The following HDAC9 variants were observed in gnomAD, a reference collection of about 807,000 sequenced individuals.
The protein encoded by HDAC9 is histone deacetylase 9.
A neutral mutation model predicts 139.4 loss-of-function variants in HDAC9; 41 were observed. The ratio of observed to expected loss-of-function variants is 0.29; its 90% CI spans 0.23 to 0.38. The LOEUF (loss-of-function observed/expected upper bound fraction) is 0.38. Among genes scored for constraint, HDAC9 ranks in the 10% least tolerant of loss-of-function variants. The pLI is 1.00. For synonymous variants in HDAC9, 517 were observed against 476.2 expected (o/e 1.09, Z -1.12); for missense variants, 1,147 against 1,297.0 (o/e 0.88, Z 1.78).
rs149199076 is a variant in HDAC9 at position 18,924,142 on chromosome 7, A to G, written c.2804-11667A>G. ...CTGTTTTAAAAAAAAGGAAGGAAAA[A>G]AAAAAAACTATCCTAACTATCCTAT... is the stretch of plus-strand genomic sequence containing the variant. On this transcript the variant is annotated intron_variant, in intron 22 of 25. Transcript: ENST00000686413. Among the ~76,000 whole-genome samples the G allele has an allele frequency of 3.8e-3, 581 of 152,072 alleles. 2 individuals are homozygous for G. The highest frequency in any genetic ancestry group is 0.013 in the African/African-American group (552 of 41,522).
In HDAC9 at chr7:18,868,407, G is replaced by A. The variant is rs191123778; in HGVS notation, c.2685-6071G>A. ...CATACATACTTTTCTTTAAGAAAGAGGCAATCTGAGTGTGTTGCTTGGTTG... is the reference window on the plus strand; with the variant it reads ...CATACATACTTTTCTTTAAGAAAGAAGCAATCTGAGTGTGTTGCTTGGTTG... On this transcript the variant is annotated intron_variant, in intron 21 of 25. Coordinates refer to ENST00000686413, the MANE Select transcript of HDAC9 (RefSeq NM_178425.4). Among the ~76,000 whole-genome samples the A allele has an allele frequency of 2.6e-3, 399 of 152,316 alleles. 3 individuals carry two copies. The highest frequency in any genetic ancestry group is 4.3e-3 in the Non-Finnish European group (294 of 68,028).
intron 2 of HDAC9, among the ~76,000 whole-genome samples, chr7:18,180,033 AT>A (rs1789264371): frequency 6.6e-6 from 1 of 152,118 alleles, no homozygotes; most frequent in African/African-American, 2.4e-5. Flanking sequence ...CAATTTCCAG[AT>A]TTGTCTCTGT....
intron 10 of HDAC9, 106 bp from the exon 11 acceptor site, chr7:18,648,360 T>G: frequency 1.1e-6 from 1 of 913,892 alleles, no homozygotes; most frequent in Non-Finnish European, 1.7e-6. Flanking sequence ...TTATACCATG[T>G]ATCTGTTTTC....
At chr7:18,174,624 G>C (rs941750732) in intron 2 of HDAC9, among the ~76,000 whole-genome samples, 1 of 152,210 alleles carries the variant, frequency 6.6e-6, no homozygotes, top group Admixed American at 6.5e-5. Context: ...GTGACCTACA[G>C]ATGGGATTTT....
At chr7:18,877,324 C>G (rs996749824) in intron 22 of HDAC9, among the ~76,000 whole-genome samples, 1 of 152,042 alleles carries the variant, frequency 6.6e-6, no homozygotes, top group Non-Finnish European at 1.5e-5. Context: ...TTGCTTTGGT[C>G]GAAAAGTTCT....
At chr7:18,444,514 A>G (rs1043761666) in intron 1 of HDAC9, among the ~76,000 whole-genome samples, 1 of 152,066 alleles carries the variant, frequency 6.6e-6, no homozygotes, top group African/African-American at 2.4e-5. Flanking sequence ...TGTATATCCC[A>G]TACTCATCTT....
chr7:18,534,855 A>G (rs143316768), intron 2 of HDAC9, among the ~76,000 whole-genome samples: 1 of 152,278 alleles, frequency 6.6e-6, no homozygotes, highest in Admixed American at 6.5e-5. Flanking sequence ...AAATACAGAG[A>G]GTGGCAGGGA....
chr7:18,290,314 G>A (rs1047800203), upstream of HDAC9: 4 of 364,752 alleles, frequency 1.1e-5, no homozygotes, highest in African/African-American at 8.5e-5. Flanking sequence ...AGGGCAATGA[G>A]TTGGGAAAAC....
chr7:18,262,486 G>A (rs1010497469), intron 2 of HDAC9, among the ~76,000 whole-genome samples: 3 of 152,114 alleles, frequency 2.0e-5, no homozygotes, highest in Admixed American at 6.5e-5. Context: ...AAATACCAAT[G>A]GAAGTCCTTC....
intron 2 of HDAC9, among the ~76,000 whole-genome samples, chr7:18,515,891 T>C (rs1181379982): frequency 6.6e-6 from 1 of 152,220 alleles, no homozygotes; most frequent in African/African-American, 2.4e-5. Flanking sequence ...TTCTAGGCTT[T>C]TTATCCTGGG....
intron 21 of HDAC9, among the ~76,000 whole-genome samples, chr7:18,836,753 T>A (rs1203083412): frequency 6.6e-6 from 1 of 152,130 alleles, no homozygotes; most frequent in Non-Finnish European, 1.5e-5. Flanking sequence ...TAGTCTTTCT[T>A]CAGAAGCCAG....
At position 18,997,596 on chromosome 7, in the gene HDAC9, CT is replaced by C. The variant is rs1554425666; in HGVS notation, c.*1538del. ...AAAGCCATAAGTGAAGATTGTCATG[CT>C]TTTATTCAGAAATCTGAAAGAAACC... On this transcript the variant is annotated 3_prime_UTR_variant, in exon 26 of 26. Coordinates refer to ENST00000686413, the MANE Select transcript of HDAC9 (RefSeq NM_178425.4). 1 of 152,010 alleles carries C rather than the reference CT, an allele frequency of 6.6e-6. No homozygotes were observed. The highest frequency in any genetic ancestry group is 1.5e-5 in the Non-Finnish European group (1 of 67,966). 9.4% of individuals were successfully genotyped at this position (152,010 alleles called of 1,614,324 possible).
chr7:18,227,490 ATTT>A (rs556655463), intron 2 of HDAC9, among the ~76,000 whole-genome samples: 1 of 148,376 alleles, frequency 6.7e-6, no homozygotes, highest in African/African-American at 2.5e-5. Context: ...TTGCACAGCA[ATTT>A]TTTTTTTTAG....
intron 1 of HDAC9, among the ~76,000 whole-genome samples, chr7:18,431,747 C>A (rs971481833): frequency 6.6e-6 from 1 of 152,130 alleles, no homozygotes; most frequent in Non-Finnish European, 1.5e-5. Context: ...TCAATAAATA[C>A]GTAAAATACG....
intron 13 of HDAC9, among the ~76,000 whole-genome samples, chr7:18,736,001 G>T (rs1786856680): frequency 6.6e-6 from 1 of 152,242 alleles, no homozygotes; most frequent in East Asian, 1.9e-4. Context: ...TAGTAATTGT[G>T]AATGGGAGTT....
intron 9 of HDAC9, among the ~76,000 whole-genome samples, chr7:18,646,362 C>T (rs1432319828): frequency 1.3e-5 from 2 of 152,048 alleles, no homozygotes; most frequent in Non-Finnish European, 2.9e-5. Context: ...AGAGGTAATA[C>T]GATTTGGTAC....
rs1786790139 is a variant in HDAC9, at chr7:19,002,384, T to A, written c.*6322T>A. The A allele has an allele frequency of 6.6e-6, 1 of 152,102 alleles. No homozygotes were observed. The highest frequency in any genetic ancestry group is 6.6e-5 in the Admixed American group (1 of 15,266). 9.4% of individuals were successfully genotyped at this position (152,102 alleles called of 1,614,324 possible). ...TCTACTGAATTAGATTTTCCTCTAG[T>A]CCTATGTGAATAAAAAGCTATTTGA... On this transcript the variant is annotated 3_prime_UTR_variant, in exon 26 of 26. Transcript: ENST00000686413.
intron 1 of HDAC9, among the ~76,000 whole-genome samples, chr7:18,323,935 G>GTTT (rs201833273): frequency 7.2e-6 from 1 of 138,960 alleles, no homozygotes; most frequent in Non-Finnish European, 1.6e-5. Context: ...TGGTTGTTTT[G>GTTT]TTTTTTTTTT....
At chr7:18,812,223 C>G (rs1344787919) in intron 17 of HDAC9, among the ~76,000 whole-genome samples, 1 of 151,768 alleles carries the variant, frequency 6.6e-6, no homozygotes, top group Non-Finnish European at 1.5e-5. Context: ...AAAATAAAGA[C>G]AATTTATGGA....
Sources: allele counts gnomAD v4.1 joint callset (sites outside exome capture counted in the v4.1 genomes callset), GRCh38; gene constraint gnomAD v4.1.1; transcripts MANE v1.5; gene names NCBI Gene and HGNC (gene_info 2026-07-23, HGNC 2026-07-21).